AGTPBP1: variants seen among roughly 807,000 people sequenced by gnomAD.
AGTPBP1 encodes the protein cytosolic carboxypeptidase 1.
AGTPBP1 carries 70 observed loss-of-function variants against 143.9 expected under a neutral mutation model. That is an observed-to-expected ratio of 0.49 (90% CI 0.40 to 0.59). The LOEUF (loss-of-function observed/expected upper bound fraction) is 0.59, where lower values mean the gene tolerates loss of function less well. AGTPBP1 is among the 20% of genes least tolerant of loss of function. The pLI is 0.00. For missense variants in AGTPBP1, 1,229 were observed against 1,464.5 expected (o/e 0.84, Z 2.62); for synonymous variants, 463 against 500.2 (o/e 0.93, Z 0.99).
At chr9:85,705,973 A>G (rs993321663) in intron 2 of AGTPBP1, among the ~76,000 whole-genome samples, 1 of 151,436 alleles carries the variant, frequency 6.6e-6, no homozygotes, top group African/African-American at 2.4e-5. Context: ...TACAGGTGTG[A>G]GCCACCACGC....
chr9:85,789,877 G>A, the AGTPBP1 span, among the ~76,000 whole-genome samples: 1 of 152,048 alleles, frequency 6.6e-6, no homozygotes, highest in African/African-American at 2.4e-5. Flanking sequence ...GTGGGAGTTC[G>A]GTTCTGTGGT....
chr9:85,632,544 T>A, intron 14 of AGTPBP1, 118 bp downstream of exon 14: 1 of 899,054 alleles, frequency 1.1e-6, no homozygotes, highest in Non-Finnish European at 1.6e-6. Flanking sequence ...AATTTAAAAA[T>A]ACAGTAACTT....
chr9:85,758,020 T>C, the AGTPBP1 span, among the ~76,000 whole-genome samples: 31 of 152,288 alleles, frequency 2.0e-4, no homozygotes, highest in Non-Finnish European at 3.1e-4. Flanking sequence ...TAGCCGGAGA[T>C]TGGCATATTT....
At chr9:85,697,497 G>A (rs1272511985) in intron 2 of AGTPBP1, among the ~76,000 whole-genome samples, 11 of 120,552 alleles carry the variant, frequency 9.1e-5, no homozygotes, top group Non-Finnish European at 1.3e-4. Context: ...CTGTCGCCCA[G>A]GCTGGAGTGC....
chr9:85,575,265 G>A (rs1390413784), intron 25 of AGTPBP1, 50 bp downstream of exon 25: 1 of 1,413,056 alleles, frequency 7.1e-7, no homozygotes. Flanking sequence ...TTTTAATGAA[G>A]TCTAATAATA....
intron 11 of AGTPBP1, among the ~76,000 whole-genome samples, chr9:85,648,654 T>C (rs1832963990): frequency 6.6e-6 from 1 of 151,810 alleles, no homozygotes; most frequent in Non-Finnish European, 1.5e-5. Flanking sequence ...CTACTAAAAG[T>C]ACAAAAAATT....
intron 24 of AGTPBP1, 141 bp downstream of exon 24, chr9:85,578,779 C>T (rs568998735): frequency 9.7e-6 from 8 of 828,334 alleles, no homozygotes; most frequent in East Asian, 9.0e-5. Flanking sequence ...ATTCTTAAGA[C>T]TGCATATGAT....
intron 4 of AGTPBP1, among the ~76,000 whole-genome samples, chr9:85,680,607 A>G (rs1835108972): frequency 6.6e-6 from 1 of 151,698 alleles, no homozygotes; most frequent in African/African-American, 2.4e-5. Context: ...AAGAAAAGAG[A>G]GAAAAAAAAA....
chr9:85,675,058 G>T (rs1208385463), intron 6 of AGTPBP1, among the ~76,000 whole-genome samples: 1 of 151,960 alleles, frequency 6.6e-6, no homozygotes, highest in Non-Finnish European at 1.5e-5. Flanking sequence ...CACCATGCCT[G>T]GCTAATTTTT....
At chr9:85,740,402 T>G (rs1052820323) in intron 1 of AGTPBP1, among the ~76,000 whole-genome samples, 13 of 152,232 alleles carry the variant, frequency 8.5e-5, no homozygotes, top group African/African-American at 2.9e-4. Context: ...GAACTCTGCC[T>G]GCATGATGAG....
chr9:85,658,406 T>G (rs569892009), intron 9 of AGTPBP1, among the ~76,000 whole-genome samples: 1 of 152,216 alleles, frequency 6.6e-6, no homozygotes, highest in South Asian at 2.1e-4. Context: ...TTAAAAGTAT[T>G]AGTATTTAAA....
chr9:85,796,034 G>A, the AGTPBP1 span, among the ~76,000 whole-genome samples: 1 of 151,850 alleles, frequency 6.6e-6, no homozygotes, highest in Non-Finnish European at 1.5e-5. Flanking sequence ...TACAGTGTAA[G>A]GAATGCATAT....
chr9:85,798,834 G>A, the AGTPBP1 span, among the ~76,000 whole-genome samples: 1 of 152,150 alleles, frequency 6.6e-6, no homozygotes, highest in South Asian at 2.1e-4. Context: ...TGAGGCAGGA[G>A]GATCTTTATT....
At chr9:85,693,514 C>T (rs1477272048) in intron 2 of AGTPBP1, among the ~76,000 whole-genome samples, 2 of 152,174 alleles carry the variant, frequency 1.3e-5, no homozygotes, top group Non-Finnish European at 2.9e-5. Flanking sequence ...AGGAGAATTG[C>T]TTGAATCCAG....
At chr9:85,606,708 A>T (rs1380400736) in intron 17 of AGTPBP1, among the ~76,000 whole-genome samples, 1 of 152,050 alleles carries the variant, frequency 6.6e-6, no homozygotes, top group African/African-American at 2.4e-5. Flanking sequence ...TACACAATGA[A>T]ATACAATGTG....
the AGTPBP1 span, among the ~76,000 whole-genome samples, chr9:85,749,996 C>T: frequency 4.0e-5 from 6 of 151,788 alleles, no homozygotes; most frequent in Non-Finnish European, 8.8e-5. Flanking sequence ...ATTCTCCTGC[C>T]TCAGCCTCCC....
At chr9:85,626,979 G>A (rs771239135) in intron 14 of AGTPBP1, among the ~76,000 whole-genome samples, 4 of 152,086 alleles carry the variant, frequency 2.6e-5, no homozygotes, top group South Asian at 4.2e-4. Context: ...CACACAGACC[G>A]CAGTATGCCA....
chr9:85,801,999 C>T, the AGTPBP1 span, among the ~76,000 whole-genome samples: 3 of 152,118 alleles, frequency 2.0e-5, no homozygotes, highest in Non-Finnish European at 4.4e-5. Flanking sequence ...ACTTCAAAAT[C>T]CTTACTGTGT....
At chr9:85,573,761 G>C (rs905643755) in intron 25 of AGTPBP1, among the ~76,000 whole-genome samples, 2 of 150,648 alleles carry the variant, frequency 1.3e-5, no homozygotes, top group Admixed American at 1.3e-4. Flanking sequence ...CCACCACCCC[G>C]TCTGGGATGT....
Sources: allele counts gnomAD v4.1 joint callset (sites outside exome capture counted in the v4.1 genomes callset), GRCh38; gene constraint gnomAD v4.1.1; transcripts MANE v1.5; gene names NCBI Gene and HGNC (gene_info 2026-07-23, HGNC 2026-07-21).